PUDP: variants seen among roughly 807,000 people sequenced by gnomAD.
PUDP encodes the protein pseudouridine-5'-phosphatase.
In PUDP, 8 loss-of-function variants were observed where a neutral mutation model predicts 9.4. The observed-to-expected ratio is 0.85, with a 90% CI of 0.50 to 1.53. The LOEUF (loss-of-function observed/expected upper bound fraction) is 1.53, where lower values mean the gene tolerates loss of function less well. Ranked by LOEUF, PUDP falls within the 40% of genes most tolerant of loss-of-function variation. PUDP has a pLI of 0.00. For synonymous variants in PUDP, 99 were observed against 80.7 expected (o/e 1.23, Z -1.22); for missense variants, 188 against 189.7 (o/e 0.99, Z 0.05).
At chrX:7,115,937 T>A (rs1204568784) in intron 1 of PUDP, among the ~76,000 whole-genome samples, 1 of 112,469 alleles carries the variant, frequency 8.9e-6, no homozygotes, top group Non-Finnish European at 1.9e-5. Context: ...TAGGAAGGCA[T>A]TATTACATTT....
At chrX:7,112,533 A>C (rs780749582) in intron 1 of PUDP, among the ~76,000 whole-genome samples, 1 of 112,315 alleles carries the variant, frequency 8.9e-6, no homozygotes, top group East Asian at 2.8e-4. Context: ...AAAAAACTTA[A>C]AGCCAGTGTT....
chrX:6,999,330 T>C (rs762337476), intron 1 of PUDP, among the ~76,000 whole-genome samples: 41 of 111,938 alleles, frequency 3.7e-4, no homozygotes, highest in East Asian at 8.4e-4. Context: ...AAAAAAAGTT[T>C]GAATTTTTGA....
downstream of PUDP, among the ~76,000 whole-genome samples, chrX:7,047,600 C>A (rs185631194): frequency 1.0e-3 from 114 of 112,500 alleles, 1 homozygote; most frequent in Non-Finnish European, 6.4e-4. Context: ...CTCCAACCAA[C>A]AATAACCACC....
At chrX:6,953,180 G>C (rs921181877) in intron 3 of PUDP, among the ~76,000 whole-genome samples, 5 of 111,822 alleles carry the variant, frequency 4.5e-5, no homozygotes, top group Non-Finnish European at 9.4e-5. Flanking sequence ...AAATTTAAAA[G>C]AAATGTTAAT....
At chrX:6,970,417 A>G (rs2059955918) in intron 3 of PUDP, among the ~76,000 whole-genome samples, 1 of 111,582 alleles carries the variant, frequency 9.0e-6, no homozygotes, top group Admixed American at 9.5e-5. Flanking sequence ...CTTTATGGGT[A>G]GGGAGGTGAG....
chrX:7,071,707 C>T (rs1342567245), intron 3 of PUDP, among the ~76,000 whole-genome samples: 5 of 110,631 alleles, frequency 4.5e-5, no homozygotes, highest in Non-Finnish European at 9.4e-5. Context: ...GATGGTCCAG[C>T]GTACAGCAGA....
At position 6,915,946 on chromosome X, in the gene PUDP, G is replaced by A. The variant is rs187508559; in HGVS notation, c.*247+61187C>T. On this transcript the variant is annotated intron_variant and NMD_transcript_variant, in intron 3 of 3. Transcript: ENST00000655425. The stretch of plus-strand genomic sequence containing the variant: ...TTGTCATTGTATAGAGAAGGAAACC[G>A]TAGCACAGAAAGTTTAAGTAACTCA... Among the ~76,000 whole-genome samples the A allele has an allele frequency of 3.3e-4, 37 of 110,660 alleles. 1 individual carries two copies. Among genetic ancestry groups the A allele is most frequent in the Admixed American group, 3.1e-3 (32 of 10,299 alleles).
At chrX:7,025,606 A>C (rs1168032357) in intron 1 of PUDP, among the ~76,000 whole-genome samples, 1 of 111,875 alleles carries the variant, frequency 8.9e-6, no homozygotes, top group Non-Finnish European at 1.9e-5. Context: ...GGTACCTTGC[A>C]GTTTGAATGA....
At chrX:7,092,449 A>C (rs1415008556) in intron 2 of PUDP, among the ~76,000 whole-genome samples, 1 of 111,942 alleles carries the variant, frequency 8.9e-6, no homozygotes, top group Non-Finnish European at 1.9e-5. Context: ...TCCTATTGTC[A>C]ATTTTTTTTT....
intron 1 of PUDP, among the ~76,000 whole-genome samples, chrX:6,717,173 A>G (rs1924610211): frequency 9.0e-6 from 1 of 111,535 alleles, no homozygotes. Context: ...GTACTGTGCT[A>G]TTGGCTCATT....
In PUDP at chrX:6,958,051, G is replaced by A. The variant is rs1346163230; in HGVS notation, c.*247+19082C>T. 2.7e-5 allele frequency among the ~76,000 whole-genome samples: 3 copies of A among 112,180 alleles called. No individual in the cohort carries two copies. The Admixed American group carries it at 2.8e-4, about 11-fold the overall frequency. ...AGCAAGGCCATTTTTACTTCCTACA[G>A]AAAGGGTACACGCTCCAGCAGTTTT... On this transcript the variant is annotated intron_variant and NMD_transcript_variant, in intron 3 of 3. Coordinates refer to the PUDP transcript ENST00000655425.
chrX:6,738,646 T>G (rs758563197), intron 3 of PUDP, among the ~76,000 whole-genome samples: 1 of 111,850 alleles, frequency 8.9e-6, no homozygotes, highest in Admixed American at 9.5e-5. Context: ...GGAGACATTT[T>G]GGGTTGCAAT....
intron 1 of PUDP, among the ~76,000 whole-genome samples, chrX:7,000,102 C>T (rs1439805016): frequency 2.1e-5 from 2 of 94,835 alleles, no homozygotes; most frequent in East Asian, 3.3e-4. Context: ...TGAATAGAAG[C>T]GAGATAAAAA....
chrX:6,721,759 T>A (rs972472910), upstream of PUDP, among the ~76,000 whole-genome samples: 4 of 111,978 alleles, frequency 3.6e-5, no homozygotes, highest in African/African-American at 1.3e-4. Context: ...TAAATTAAGC[T>A]CTATATTCCA....
chrX:6,785,703 CATATT>C (rs1925636197), intron 3 of PUDP, among the ~76,000 whole-genome samples: 1 of 111,161 alleles, frequency 9.0e-6, no homozygotes, highest in Non-Finnish European at 1.9e-5. Flanking sequence ...GTATGGCAAA[CATATT>C]ATATAATATG....
chrX:6,797,681 A>ATG (rs2146692889), intron 3 of PUDP, among the ~76,000 whole-genome samples: 1 of 112,202 alleles, frequency 8.9e-6, no homozygotes, highest in Admixed American at 9.5e-5. Flanking sequence ...CATCAGCTCC[A>ATG]GATGACATCT....
intron 1 of PUDP, among the ~76,000 whole-genome samples, chrX:7,032,206 T>C (rs1929801190): frequency 8.9e-6 from 1 of 112,366 alleles, no homozygotes; most frequent in Non-Finnish European, 1.9e-5. Flanking sequence ...AAGATACTCA[T>C]ACCCATTAGA....
intron 2 of PUDP, among the ~76,000 whole-genome samples, chrX:7,087,905 T>A (rs1931310689): frequency 9.0e-6 from 1 of 111,483 alleles, no homozygotes; most frequent in African/African-American, 3.3e-5. Flanking sequence ...CACTGAAATG[T>A]GATCGGCCTA....
chrX:6,751,395 A>C (rs751082773), intron 3 of PUDP, among the ~76,000 whole-genome samples: 1 of 111,509 alleles, frequency 9.0e-6, no homozygotes, highest in Non-Finnish European at 1.9e-5. Context: ...TCAATAAAGA[A>C]ATCACAGTAG....
Sources: allele counts gnomAD v4.1 joint callset (sites outside exome capture counted in the v4.1 genomes callset), GRCh38; gene constraint gnomAD v4.1.1; transcripts MANE v1.5; gene names NCBI Gene and HGNC (gene_info 2026-07-23, HGNC 2026-07-21).